Variants in CLPX observed in about 807,000 individuals in gnomAD.
The protein encoded by CLPX is caseinolytic mitochondrial matrix peptidase chaperone subunit X.
CLPX carries 34 observed loss-of-function variants against 76.4 expected under a neutral mutation model. The ratio of observed to expected loss-of-function variants is 0.45; its 90% CI spans 0.34 to 0.59. The LOEUF is 0.59. Among genes scored for constraint, CLPX ranks in the 20% least tolerant of loss-of-function variants. The probability of loss-of-function intolerance (pLI) is 0.01; values close to 1 mark genes in which losing one functional copy is unlikely to be tolerated. For synonymous variants in CLPX, 248 were observed against 270.9 expected, an observed-to-expected ratio of 0.92 and a Z score of 0.83; for missense variants, 613 against 757.0, an observed-to-expected ratio of 0.81 and a Z score of 2.23.
chr15:65,167,648 G>A (rs1383490528), intron 3 of CLPX, among the ~76,000 whole-genome samples: 2 of 151,530 alleles, frequency 1.3e-5, no homozygotes, highest in Non-Finnish European at 2.9e-5. Context: ...GACTGAGGCA[G>A]GTGGATCACC....
chr15:65,155,951 A>G lies in CLPX; in HGVS notation c.1147-95T>C. 5 of 1,042,044 alleles carry G rather than the reference A, an allele frequency of 4.8e-6. 1 individual carries two copies. In the South Asian group the frequency reaches 5.7e-5, roughly 12 times the overall value. The allele number at this position is 1,042,044 out of a possible 1,614,324, so 64.5% of individuals were successfully genotyped here. ...GATTAAATGGGGAAAACAATATGTG[A>G]TTATAGTCAATGCACATACCTAATG... On this transcript the variant is annotated intron_variant, in intron 9 of 13. Coordinates refer to ENST00000300107, the MANE Select transcript of CLPX (RefSeq NM_006660.5).
chr15:65,172,125 A>T (rs1317787293), intron 3 of CLPX, among the ~76,000 whole-genome samples: 1 of 152,024 alleles, frequency 6.6e-6, no homozygotes, highest in Non-Finnish European at 1.5e-5. Context: ...CACCACACCC[A>T]GCTAATTTTG....
At chr15:65,174,955 C>T (rs759179154) in intron 3 of CLPX, among the ~76,000 whole-genome samples, 34 of 152,240 alleles carry the variant, frequency 2.2e-4, no homozygotes, top group Non-Finnish European at 4.3e-4. Context: ...GCTATTTATA[C>T]TTTAAAAAAA....
intron 3 of CLPX, among the ~76,000 whole-genome samples, chr15:65,172,310 A>C (rs1566984621): frequency 6.6e-6 from 1 of 152,210 alleles, no homozygotes. Context: ...AATTTTGTTA[A>C]GTTACCAGGA....
chr15:65,176,550 C>A (rs2088093401), intron 3 of CLPX, among the ~76,000 whole-genome samples: 1 of 151,256 alleles, frequency 6.6e-6, no homozygotes, highest in East Asian at 1.9e-4. Context: ...ATATTAGTTT[C>A]TTTCCTTTTC....
Position 65,158,762 on chromosome 15 carries a change from T to C in CLPX, c.716-11A>G, listed in dbSNP as rs773101000. On this transcript the variant is annotated splice_polypyrimidine_tract_variant and intron_variant, in intron 6 of 13. Transcript: ENST00000300107. ...CAATCTGAAGCAATTCTGAAAAAAA[T>C]GCCAAAGGAATTACTTGAGCTTCAT... 1.9e-6 allele frequency: 3 copies of C among 1,559,496 alleles called. No individual in the cohort carries two copies. Among genetic ancestry groups the C allele is most frequent in the Non-Finnish European group, 2.6e-6 (3 of 1,152,358 alleles).
In CLPX at chr15:65,150,827, C is replaced by G. The variant is rs368753744; in HGVS notation, c.1898G>C (p.Ser633Thr). ...ACAAGACAGCAATATGACAGTTTAG[C>G]TGTTTGCAGCATCTGCTTGGCGGGG... The part of the protein sequence containing the change: ...GWPRQADAAN[S>T] Residue 633 changes from serine (S) to threonine (T), a missense_variant, in exon 14 of 14, where the codon AGC becomes ACC. Coordinates refer to ENST00000300107, the MANE Select transcript of CLPX (RefSeq NM_006660.5). 7.5e-6 allele frequency: 12 copies of G among 1,607,892 alleles called. No individual in the cohort carries two copies. The African/African-American group carries it at 1.6e-4, about 22-fold the overall frequency.
At chr15:65,153,125 A>T (rs1566978483) in intron 12 of CLPX, among the ~76,000 whole-genome samples, 2 of 151,782 alleles carry the variant, frequency 1.3e-5, no homozygotes, top group Non-Finnish European at 2.9e-5. Context: ...TTTGAGAAAA[A>T]GCAAAATATA....
intron 3 of CLPX, among the ~76,000 whole-genome samples, chr15:65,169,443 G>T (rs1372388678): frequency 3.3e-5 from 5 of 152,076 alleles, no homozygotes; most frequent in Non-Finnish European, 5.9e-5. Flanking sequence ...TGTTGGCGGG[G>T]CACAGTGGCT....
chr15:65,178,032 A>T (rs2088112473), intron 3 of CLPX, among the ~76,000 whole-genome samples: 1 of 151,848 alleles, frequency 6.6e-6, no homozygotes, highest in African/African-American at 2.4e-5. Flanking sequence ...GGGCTCAAGC[A>T]CTCTGCCTAC....
At chr15:65,157,494 C>T (rs2087804305) in intron 8 of CLPX, among the ~76,000 whole-genome samples, 1 of 152,116 alleles carries the variant, frequency 6.6e-6, no homozygotes, top group Non-Finnish European at 1.5e-5. Flanking sequence ...ACAAGAAAAG[C>T]AATGATAGTA....
At chr15:65,182,624 C>T (rs2088190184) in intron 1 of CLPX, among the ~76,000 whole-genome samples, 1 of 152,172 alleles carries the variant, frequency 6.6e-6, no homozygotes, top group Non-Finnish European at 1.5e-5. Context: ...GCCAAGGAAA[C>T]GTTGTGTTTC....
Position 65,150,628 on chromosome 15 carries a change from G to A in CLPX, c.*195C>T, listed in dbSNP as rs2140605710. On this transcript the variant is annotated 3_prime_UTR_variant, in exon 14 of 14. Coordinates refer to ENST00000300107, the MANE Select transcript of CLPX (RefSeq NM_006660.5). ...TATCTCTAAACATTGTGTCATTAAA[G>A]TCCATATAACATCTTCCGTAAAATC... is the stretch of plus-strand genomic sequence containing the variant. 1 of 384,538 alleles carries A rather than the reference G, an allele frequency of 2.6e-6. No homozygotes were observed. The highest frequency in any genetic ancestry group is 4.6e-6 in the Non-Finnish European group (1 of 216,186). The allele number at this position is 384,538 out of a possible 1,614,324, so 23.8% of individuals were successfully genotyped here.
chr15:65,158,809 G>A, intron 6 of CLPX, 58 bp from the exon 7 acceptor site: 1 of 1,414,366 alleles, frequency 7.1e-7, no homozygotes, highest in Non-Finnish European at 9.6e-7. Context: ...TGAAGAAAAT[G>A]TCCCATAAAA....
At chr15:65,173,587 C>T (rs919587501) in intron 3 of CLPX, among the ~76,000 whole-genome samples, 2 of 152,120 alleles carry the variant, frequency 1.3e-5, no homozygotes, top group African/African-American at 4.8e-5. Context: ...CACACAAAAA[C>T]TTGTACACAG....
Position 65,150,493 on chromosome 15 carries a change from T to G in CLPX, c.*330A>C. 1 of 182,858 alleles carries G rather than the reference T, an allele frequency of 5.5e-6. No homozygotes were observed. Among genetic ancestry groups the G allele is most frequent in the Non-Finnish European group, 1.1e-5 (1 of 88,390 alleles). 11.3% of individuals were successfully genotyped at this position (182,858 alleles called of 1,614,324 possible). A position where few individuals can be genotyped will look rare whatever the true frequency, so the allele number is the denominator to read the frequency against. ...TTATTTTCCCATTTGTAGAGTAACA[T>G]TATTGTAAAATCTACAGTTATCGCA... On this transcript the variant is annotated 3_prime_UTR_variant, in exon 14 of 14. Coordinates refer to ENST00000300107, the MANE Select transcript of CLPX (RefSeq NM_006660.5).
intron 1 of CLPX, 42 bp downstream of exon 1, chr15:65,185,033 C>T (rs202128344): frequency 9.2e-6 from 14 of 1,515,260 alleles, no homozygotes; most frequent in Admixed American, 3.9e-5. Flanking sequence ...TCCACCCCCC[C>T]CCCGACAGGC....
chr15:65,175,656 C>G (rs2140644547), intron 3 of CLPX, among the ~76,000 whole-genome samples: 1 of 152,284 alleles, frequency 6.6e-6, no homozygotes, highest in East Asian at 1.9e-4. Flanking sequence ...AATCTGAAAT[C>G]TGAAATGCTC....
At chr15:65,151,128 T>TGA (rs2087713668) in intron 13 of CLPX, among the ~76,000 whole-genome samples, 1 of 151,960 alleles carries the variant, frequency 6.6e-6, no homozygotes, top group African/African-American at 2.4e-5. Flanking sequence ...GCTGATCACT[T>TGA]GAGGTCAGGA....
Sources: gnomAD v4.1 joint callset for allele counts (sites outside exome capture counted in the v4.1 genomes callset) on GRCh38, gnomAD v4.1.1 for gene constraint, MANE v1.5 for transcripts, NCBI Gene and HGNC (gene_info 2026-07-23, HGNC 2026-07-21) for gene names.